Variants in DPH6 observed in about 807,000 individuals in gnomAD.
DPH6 encodes diphthamine biosynthesis 6, also known as diphthine--ammonia ligase.
A neutral mutation model predicts 38.2 loss-of-function variants in DPH6; 33 were observed. The observed-to-expected ratio is 0.86, with a 90% CI of 0.65 to 1.15. The LOEUF is 1.15. Among genes scored for constraint, DPH6 ranks in the 50% most tolerant of loss-of-function variants. The probability of loss-of-function intolerance (pLI) is 0.00; values close to 1 mark genes in which losing one functional copy is unlikely to be tolerated. For synonymous variants in DPH6, 108 were observed against 103.0 expected (o/e 1.05, Z -0.30); for missense variants, 325 against 320.0 (o/e 1.02, Z -0.12).
At chr15:35,457,250 T>G (rs1187506539) in intron 3 of DPH6, among the ~76,000 whole-genome samples, 3 of 152,058 alleles carry the variant, frequency 2.0e-5, no homozygotes, top group African/African-American at 7.2e-5. Flanking sequence ...CCATCGTGCC[T>G]GGCCCCATTT....
chr15:35,317,474 A>G (rs2052202240), intron 3 of DPH6, among the ~76,000 whole-genome samples: 1 of 151,760 alleles, frequency 6.6e-6, no homozygotes. Context: ...AGAAAGAAAG[A>G]AAGATACTCT....
intron 3 of DPH6, among the ~76,000 whole-genome samples, chr15:35,460,042 G>A (rs529138848): frequency 1.3e-5 from 2 of 152,106 alleles, no homozygotes; most frequent in Admixed American, 6.5e-5. Flanking sequence ...CCACAGCTGT[G>A]CTCTTTCTTA....
At chr15:35,284,357 T>C (rs994889894) in intron 3 of DPH6, among the ~76,000 whole-genome samples, 3 of 152,180 alleles carry the variant, frequency 2.0e-5, no homozygotes, top group Non-Finnish European at 2.9e-5. Context: ...TGCTGCTTTT[T>C]TTCCCCCTAA....
chr15:35,431,540 T>TAA (rs2053632527), intron 5 of DPH6, among the ~76,000 whole-genome samples: 6 of 152,184 alleles, frequency 3.9e-5, no homozygotes, highest in Admixed American at 3.9e-4. Flanking sequence ...CTAAGGCACA[T>TAA]AAACAGCAGG....
At chr15:35,182,220 ATTTTTTTT>A in the DPH6 span, among the ~76,000 whole-genome samples, 105 of 86,032 alleles carry the variant, frequency 1.2e-3, 1 homozygote, top group Non-Finnish European at 2.1e-3. Flanking sequence ...AACTCTAAGA[ATTTTTTTT>A]TTTTTTTTTT....
the DPH6 span, among the ~76,000 whole-genome samples, chr15:35,182,043 T>C: frequency 6.6e-6 from 1 of 152,058 alleles, no homozygotes; most frequent in Non-Finnish European, 1.5e-5. Context: ...GTAATACTTT[T>C]AATTATAGTT....
intron 1 of DPH6, among the ~76,000 whole-genome samples, chr15:35,542,716 C>CTA (rs35660588): frequency 0.21 from 31,878 of 149,622 alleles, 5,535 homozygotes; most frequent in African/African-American, 0.49. Flanking sequence ...GCTTAAGAAA[C>CTA]TATATATATA....
At chr15:35,307,333 A>G (rs1251484145) in intron 3 of DPH6, among the ~76,000 whole-genome samples, 2 of 152,330 alleles carry the variant, frequency 1.3e-5, no homozygotes, top group East Asian at 3.9e-4. Flanking sequence ...ATGTAAAACC[A>G]AAACAAAGAA....
intron 3 of DPH6, among the ~76,000 whole-genome samples, chr15:35,472,967 A>G (rs2054216367): frequency 6.6e-6 from 1 of 151,908 alleles, no homozygotes; most frequent in African/African-American, 2.4e-5. Flanking sequence ...CAGTATCACC[A>G]CATGCAGGGT....
At chr15:35,515,722 GAAAA>G (rs61568573) in intron 3 of DPH6, among the ~76,000 whole-genome samples, 3 of 77,950 alleles carry the variant, frequency 3.8e-5, no homozygotes, top group African/African-American at 1.5e-4. Flanking sequence ...CTCCGTCTCA[GAAAA>G]AAAAAAAAAA....
intron 3 of DPH6, among the ~76,000 whole-genome samples, chr15:35,254,989 T>C (rs2051698052): frequency 6.6e-6 from 1 of 152,210 alleles, no homozygotes; most frequent in East Asian, 1.9e-4. Context: ...TGGTGGAATG[T>C]CATCAGTTAA....
At chr15:35,224,865 T>C (rs1016336398) in intron 3 of DPH6, among the ~76,000 whole-genome samples, 3 of 152,244 alleles carry the variant, frequency 2.0e-5, no homozygotes, top group Non-Finnish European at 4.4e-5. Flanking sequence ...AGAGAATTCC[T>C]GTGTACCACT....
At chr15:35,355,870 G>A (rs1354593905) in intron 3 of DPH6, among the ~76,000 whole-genome samples, 1 of 152,194 alleles carries the variant, frequency 6.6e-6, no homozygotes, top group African/African-American at 2.4e-5. Flanking sequence ...ATAATATCCT[G>A]CAGAGTGTTT....
chr15:35,259,874 A>T (rs1994015), intron 3 of DPH6, among the ~76,000 whole-genome samples: 92,243 of 152,048 alleles, frequency 0.61, 29,559 homozygotes, highest in Non-Finnish European at 0.73. Flanking sequence ...GCAGAGAGGG[A>T]GTCACTAGAC....
In DPH6 at chr15:35,410,908, G is replaced by A; in HGVS notation, c.506-12C>T. ...ATCAGGATCTAAACCTGCCAAGAAA[G>A]GTTACATTTTTTAAAGATAACTATC... On this transcript the variant is annotated splice_polypyrimidine_tract_variant and intron_variant, in intron 5 of 8. Transcript: ENST00000256538. The A allele has an allele frequency of 6.3e-7, 1 of 1,598,756 alleles. No homozygotes were observed. Among genetic ancestry groups the A allele is most frequent in the Middle Eastern group, 1.7e-4 (1 of 6,000 alleles).
At chr15:35,438,543 A>G (rs2053746246) in intron 5 of DPH6, among the ~76,000 whole-genome samples, 1 of 152,048 alleles carries the variant, frequency 6.6e-6, no homozygotes, top group Non-Finnish European at 1.5e-5. Context: ...TCCTAGCCCT[A>G]CTCTTAAAGG....
rs1452294828 is a variant in DPH6, at chr15:35,520,221, A to C, written c.312+18053T>G. The C allele has an allele frequency of 3.9e-5, 24 of 619,730 alleles. 2 individuals carry two copies. The highest frequency in any genetic ancestry group is 8.5e-5 in the South Asian group (1 of 11,736). 38.4% of individuals were successfully genotyped at this position (619,730 alleles called of 1,614,324 possible). A position where few individuals can be genotyped will look rare whatever the true frequency, so the allele number is the denominator to read the frequency against. On this transcript the variant is annotated intron_variant, in intron 3 of 8. Coordinates refer to ENST00000256538, the MANE Select transcript of DPH6 (RefSeq NM_080650.4). Reference sequence around the variant, plus strand: ...TCTCACGTGAAAGTAAACATGCTACAAAAAAAAACAAAAAAAAAACAAAAG... The same window carrying C: ...TCTCACGTGAAAGTAAACATGCTACCAAAAAAAACAAAAAAAAAACAAAAG...
intron 6 of DPH6, among the ~76,000 whole-genome samples, chr15:35,394,697 C>G (rs565609228): frequency 6.6e-6 from 1 of 152,202 alleles, no homozygotes; most frequent in South Asian, 2.1e-4. Flanking sequence ...TTTCTCTGAG[C>G]CTTGAACTTG....
At chr15:35,360,656 C>A (rs567250514) in intron 3 of DPH6, among the ~76,000 whole-genome samples, 1 of 152,298 alleles carries the variant, frequency 6.6e-6, no homozygotes, top group East Asian at 1.9e-4. Context: ...AGGTCTATAG[C>A]CAGATACCTT....
Sources: allele counts gnomAD v4.1 joint callset (sites outside exome capture counted in the v4.1 genomes callset), GRCh38; gene constraint gnomAD v4.1.1; transcripts MANE v1.5; gene names NCBI Gene and HGNC (gene_info 2026-07-23, HGNC 2026-07-21).